EPM2A: variants seen among roughly 807,000 people sequenced by gnomAD.
EPM2A encodes EPM2A glucan phosphatase, laforin.
A neutral mutation model predicts 26.5 loss-of-function variants in EPM2A; 21 were observed. The ratio of observed to expected loss-of-function variants is 0.79; its 90% CI spans 0.56 to 1.14. EPM2A has a LOEUF of 1.14. Ranked by LOEUF, EPM2A falls within the 50% of genes most tolerant of loss-of-function variation. The probability of loss-of-function intolerance (pLI) is 0.00; values close to 1 mark genes in which losing one functional copy is unlikely to be tolerated. For synonymous variants in EPM2A, 217 were observed against 177.6 expected (o/e 1.22, Z -1.76); for missense variants, 458 against 440.8 (o/e 1.04, Z -0.35).
At chr6:145,462,144 T>C (rs1779334920) in intron 4 of EPM2A, among the ~76,000 whole-genome samples, 1 of 152,198 alleles carries the variant, frequency 6.6e-6, no homozygotes, top group African/African-American at 2.4e-5. Flanking sequence ...ATCTGTATTG[T>C]TTTATATAAA....
chr6:145,486,864 G>T (rs1047131368), intron 4 of EPM2A, among the ~76,000 whole-genome samples: 7 of 152,014 alleles, frequency 4.6e-5, no homozygotes, highest in African/African-American at 1.4e-4. Context: ...AAATTCAGGG[G>T]TACGTGTACA....
In EPM2A at chr6:145,686,000, C is replaced by A. The variant is rs377517010; in HGVS notation, c.476+122G>T. 1.2e-5 allele frequency: 10 copies of A among 821,520 alleles called. No individual in the cohort carries two copies. In the African/African-American group the frequency reaches 1.7e-4, roughly 14 times the overall value. The allele number at this position is 821,520 out of a possible 1,614,324, so 50.9% of individuals were successfully genotyped here. ...TCACTGTAATTTTCTCCTCAAAGTACTACAGGCCTATAGACCCCTCCCAAG... is the reference window on the plus strand; with the variant it reads ...TCACTGTAATTTTCTCCTCAAAGTAATACAGGCCTATAGACCCCTCCCAAG... On this transcript the variant is annotated intron_variant, in intron 2 of 3. Coordinates refer to ENST00000367519, the MANE Select transcript of EPM2A (RefSeq NM_005670.4).
chr6:145,559,748 C>G (rs1366111885), intron 2 of EPM2A, among the ~76,000 whole-genome samples: 1 of 148,978 alleles, frequency 6.7e-6, no homozygotes, highest in Non-Finnish European at 1.5e-5. Context: ...TAATTGATAC[C>G]AACTTTGTAA....
chr6:145,735,278 T>C lies in EPM2A; in HGVS notation c.221A>G (p.Asp74Gly). The C allele has an allele frequency of 6.7e-7, 1 of 1,490,446 alleles. No homozygotes were observed. Among genetic ancestry groups the C allele is most frequent in the Non-Finnish European group, 9.0e-7 (1 of 1,116,508 alleles). The allele number at this position is 1,490,446 out of a possible 1,614,324, so 92.3% of individuals were successfully genotyped here. The change falls in exon 1 of 4, where the codon GAC (aspartate) becomes GGC (glycine). Residue 74 changes from aspartate (D) to glycine (G), a missense_variant. Transcript: ENST00000367519. ...VELAAEEAAQ[D>G]GAEPGRVDTF... ...GTCCACGCGGCCCGGCTCCGCCCCG[T>C]CCTGCGCCGCCTCCTCGGCCGCCAG... is the stretch of plus-strand genomic sequence containing the variant.
chr6:145,699,394 C>T (rs577439293), intron 1 of EPM2A, among the ~76,000 whole-genome samples: 13 of 152,118 alleles, frequency 8.5e-5, no homozygotes, highest in Non-Finnish European at 1.9e-4. Flanking sequence ...TTCTAAGGAT[C>T]AACTGGCTCA....
chr6:145,384,746 G>C (rs9386115), intron 4 of EPM2A, among the ~76,000 whole-genome samples: 1 of 147,650 alleles, frequency 6.8e-6, no homozygotes, highest in East Asian at 2.0e-4. Context: ...TCCTGAATAT[G>C]CATGTGGATA....
intron 2 of EPM2A, among the ~76,000 whole-genome samples, chr6:145,684,057 C>T (rs983492887): frequency 6.6e-6 from 1 of 151,790 alleles, no homozygotes; most frequent in Non-Finnish European, 1.5e-5. Context: ...AAGAAAGATT[C>T]ATGAATATAC....
At chr6:145,414,529 C>A (rs1312322157) in intron 4 of EPM2A, among the ~76,000 whole-genome samples, 1 of 151,988 alleles carries the variant, frequency 6.6e-6, no homozygotes, top group Non-Finnish European at 1.5e-5. Flanking sequence ...CTTTATTTTC[C>A]TTTTAATTTC....
At chr6:145,529,392 AG>A (rs1780322979) in intron 2 of EPM2A, among the ~76,000 whole-genome samples, 1 of 152,172 alleles carries the variant, frequency 6.6e-6, no homozygotes, top group Admixed American at 6.6e-5. Context: ...AAATTTCCAT[AG>A]CCCCTCCCAC....
intron 2 of EPM2A, among the ~76,000 whole-genome samples, chr6:145,668,258 C>T (rs1211048157): frequency 6.6e-6 from 1 of 151,692 alleles, no homozygotes; most frequent in Non-Finnish European, 1.5e-5. Context: ...GATCTGCAAT[C>T]TAAGAAAAAA....
At chr6:145,447,179 G>A (rs150512036) in intron 4 of EPM2A, among the ~76,000 whole-genome samples, 1 of 152,194 alleles carries the variant, frequency 6.6e-6, no homozygotes, top group Admixed American at 6.5e-5. Flanking sequence ...TCTGAAGGAA[G>A]AAATAAAAGA....
intron 2 of EPM2A, chr6:145,639,476 A>G (rs898543160): frequency 4.6e-5 from 7 of 152,164 alleles, no homozygotes; most frequent in African/African-American, 1.7e-4. Context: ...GTCTGTTTAG[A>G]AATTAACTAG....
At chr6:145,387,694 A>G (rs1403018909) in intron 4 of EPM2A, among the ~76,000 whole-genome samples, 1 of 152,146 alleles carries the variant, frequency 6.6e-6, no homozygotes, top group East Asian at 1.9e-4. Context: ...CAGGGAAAAA[A>G]AGAAAAAATC....
chr6:145,558,962 G>A (rs1407992073), intron 2 of EPM2A, among the ~76,000 whole-genome samples: 2 of 152,006 alleles, frequency 1.3e-5, no homozygotes, highest in Non-Finnish European at 2.9e-5. Context: ...TTACAACTCT[G>A]TGACTGGTAA....
chr6:145,392,687 G>A (rs1362632652), intron 4 of EPM2A, among the ~76,000 whole-genome samples: 1 of 152,086 alleles, frequency 6.6e-6, no homozygotes, highest in East Asian at 1.9e-4. Context: ...AACAGACTCA[G>A]TTGAATTTGA....
intron 1 of EPM2A, among the ~76,000 whole-genome samples, chr6:145,717,281 C>G (rs370401438): frequency 3.9e-5 from 6 of 152,132 alleles, no homozygotes; most frequent in African/African-American, 7.2e-5. Context: ...GATCAAGTGG[C>G]CTTCATCCCT....
chr6:145,627,523 T>C lies in EPM2A; in HGVS notation c.889A>G (p.Met297Val), dbSNP rs1042622916. Residue 297 changes from methionine to valine, a missense_variant, in exon 4 of 4, where the codon ATG (methionine) becomes GTG (valine). Coordinates refer to ENST00000367519, the MANE Select transcript of EPM2A (RefSeq NM_005670.4). ...WNLRKVQYFL[M>V]AKRPAVYIDE... ...ATGTAGACAGCCGGCCTCTTGGCCA[T>C]GAGGAAATACTGCACCTTCCTCAGA... is the stretch of plus-strand genomic sequence containing the variant. 2 of 1,614,148 alleles carry C rather than the reference T, an allele frequency of 1.2e-6. No homozygotes were observed. Among genetic ancestry groups the C allele is most frequent in the African/African-American group, 2.7e-5 (2 of 74,958 alleles).
chr6:145,575,942 T>A (rs773829676), intron 2 of EPM2A, among the ~76,000 whole-genome samples: 1 of 152,186 alleles, frequency 6.6e-6, no homozygotes, highest in Non-Finnish European at 1.5e-5. Context: ...TTCAAGTGAT[T>A]ATCCTGCCTC....
At chr6:145,630,473 G>C (rs1460994520) in intron 3 of EPM2A, 1 of 151,954 alleles carries the variant, frequency 6.6e-6, no homozygotes, top group African/African-American at 2.4e-5. Context: ...AAAAAAGCCA[G>C]GCATGGTGGT....
Sources: allele counts gnomAD v4.1 joint callset (sites outside exome capture counted in the v4.1 genomes callset), GRCh38; gene constraint gnomAD v4.1.1; transcripts MANE v1.5; gene names NCBI Gene and HGNC (gene_info 2026-07-23, HGNC 2026-07-21).